CFAP44: variants seen among roughly 807,000 people sequenced by gnomAD.
The protein encoded by CFAP44 is cilia and flagella associated protein 44.
Under a neutral mutation model 216.2 loss-of-function variants are expected in CFAP44, and 134 were observed. The ratio of observed to expected loss-of-function variants is 0.62; its 90% confidence interval spans 0.54 to 0.72. The LOEUF (loss-of-function observed/expected upper bound fraction) is 0.72, where lower values mean the gene tolerates loss of function less well. CFAP44 is among the 30% of genes least tolerant of loss of function. CFAP44 has a pLI of 0.00. For synonymous variants in CFAP44, 700 were observed against 727.6 expected (o/e 0.96, Z 0.61); for missense variants, 2,035 against 2,182.1 (o/e 0.93, Z 1.34).
At chr3:113,298,659 A>G (rs1244291496) in intron 32 of CFAP44, among the ~76,000 whole-genome samples, 1 of 152,236 alleles carries the variant, frequency 6.6e-6, no homozygotes. Flanking sequence ...TTGCCTTAAA[A>G]AGGAAGAAAA....
intron 16 of CFAP44, 108 bp downstream of exon 16, chr3:113,380,791 G>C: frequency 1.1e-6 from 1 of 921,408 alleles, no homozygotes; most frequent in Non-Finnish European, 1.5e-6. Context: ...TTAAGTTCAG[G>C]GCCTATGTTT....
chr3:113,400,663 C>T lies in CFAP44; in HGVS notation c.1375-19G>A. On this transcript the variant is annotated intron_variant, in intron 11 of 34. Transcript: ENST00000393845. The stretch of plus-strand genomic sequence containing the variant: ...CCTGGGTCTGAGAATAGATAGACAG[C>T]TTACTAGATCTCAAAGACAGAGTAA... The T allele has an allele frequency of 1.9e-6, 3 of 1,590,568 alleles. No homozygotes were observed. Among genetic ancestry groups the T allele is most frequent in the Non-Finnish European group, 2.6e-6 (3 of 1,162,612 alleles).
chr3:113,337,422 T>C (rs533203712), intron 24 of CFAP44, among the ~76,000 whole-genome samples: 1 of 152,272 alleles, frequency 6.6e-6, no homozygotes, highest in African/African-American at 2.4e-5. Context: ...ATTGAAATTA[T>C]GGCAAGATTT....
At chr3:113,434,078 C>G (rs963696531) in intron 1 of CFAP44, 1 of 171,490 alleles carries the variant, frequency 5.8e-6, no homozygotes, top group South Asian at 1.6e-4. Flanking sequence ...ATTTTTTGAG[C>G]ACACCTGCAG....
chr3:113,349,454 T>C (rs1950420632), intron 22 of CFAP44, among the ~76,000 whole-genome samples: 1 of 152,132 alleles, frequency 6.6e-6, no homozygotes, highest in Non-Finnish European at 1.5e-5. Flanking sequence ...GCAGGCTTAG[T>C]CATGGCCCTC....
At chr3:113,371,615 G>A (rs542797633) in intron 18 of CFAP44, among the ~76,000 whole-genome samples, 150 of 152,150 alleles carry the variant, frequency 9.9e-4, no homozygotes, top group African/African-American at 3.2e-3. Context: ...AAGACCTAAA[G>A]CCATAAAAAC....
rs987459816 is a variant in CFAP44 at position 113,441,481 on chromosome 3, C to T, written c.-34G>A. On this transcript the variant is annotated 5_prime_UTR_variant, in exon 1 of 35. Transcript: ENST00000393845. ...AGGTACTGACCGCCGCGGCTCCTCT[C>T]TTCACAGCGTCTGCCGGAGGCCTCC... The T allele has an allele frequency of 4.1e-6, 4 of 984,866 alleles. No individual in the cohort carries two copies. Among genetic ancestry groups the T allele is most frequent in the Non-Finnish European group, 4.8e-6 (4 of 830,000 alleles). 61.0% of individuals were successfully genotyped at this position (984,866 alleles called of 1,614,324 possible).
intron 13 of CFAP44, among the ~76,000 whole-genome samples, chr3:113,398,027 A>G (rs1253721778): frequency 6.6e-6 from 1 of 152,184 alleles, no homozygotes; most frequent in East Asian, 1.9e-4. Context: ...CATCCTGTAG[A>G]GCTCAGTGAC....
chr3:113,333,261 A>G (rs766139283), intron 25 of CFAP44, 145 bp downstream of exon 25: 98 of 731,464 alleles, frequency 1.3e-4, no homozygotes, highest in Non-Finnish European at 2.0e-4. Context: ...AGGACATTCT[A>G]GATAATCATG....
intron 34 of CFAP44, among the ~76,000 whole-genome samples, chr3:113,293,566 A>G (rs747278567): frequency 6.6e-6 from 1 of 152,158 alleles, no homozygotes; most frequent in Non-Finnish European, 1.5e-5. Flanking sequence ...TTCCTCTCCA[A>G]TGTATCTGGA....
rs903820672 is a variant in CFAP44, at chr3:113,344,552, C to G, written c.3226G>C (p.Glu1076Gln). ...KPSKLDRFEK[E>Q]GPGRKDSQRD... The stretch of plus-strand genomic sequence containing the variant: ...TGGCTGTCCTTTCTTCCAGGTCCCT[C>G]TTTTTCAAACCTGTCCAATTTGCTT... The change falls in exon 23 of 35, where the codon GAG (glutamate) becomes CAG (glutamine). Residue 1076 changes from glutamate (E) to glutamine (Q), a missense_variant. By Grantham distance (29) the Glu-to-Gln change is conservative. Coordinates refer to ENST00000393845, the MANE Select transcript of CFAP44 (RefSeq NM_001164496.2). The G allele has an allele frequency of 3.9e-6, 6 of 1,537,042 alleles. No individual in the cohort carries two copies. The highest frequency in any genetic ancestry group is 5.2e-6 in the Non-Finnish European group (6 of 1,146,836).
At chr3:113,333,624 C>A (rs2107813267) in intron 24 of CFAP44, 41 bp from the exon 25 acceptor site, 1 of 1,444,560 alleles carries the variant, frequency 6.9e-7, no homozygotes, top group African/African-American at 1.4e-5. Flanking sequence ...ACAAATATGA[C>A]AATAAACTCT....
chr3:113,400,103 C>T lies in CFAP44; in HGVS notation c.1475-103G>A, dbSNP rs531764832. ...AATATTATAACAAGAAATTTCTTAA[C>T]TAAATCAGTCAATAACTTTCTTTTG... On this transcript the variant is annotated intron_variant, in intron 12 of 34. Transcript: ENST00000393845. The T allele has an allele frequency of 1.6e-4, 110 of 696,022 alleles. No homozygotes were observed. In the African/African-American group the frequency reaches 1.7e-3, roughly 11 times the overall value. The allele number at this position is 696,022 out of a possible 1,614,324, so 43.1% of individuals were successfully genotyped here.
At chr3:113,412,167 A>C (rs1934497490) in intron 6 of CFAP44, among the ~76,000 whole-genome samples, 1 of 152,204 alleles carries the variant, frequency 6.6e-6, no homozygotes, top group Non-Finnish European at 1.5e-5. Context: ...TGGCCGGGCA[A>C]TCAGGCAAGA....
At chr3:113,375,808 G>C (rs1341206161) in intron 17 of CFAP44, among the ~76,000 whole-genome samples, 3 of 152,008 alleles carry the variant, frequency 2.0e-5, no homozygotes, top group Non-Finnish European at 4.4e-5. Context: ...GCAACAGAGT[G>C]AGTGAGACTC....
intron 13 of CFAP44, among the ~76,000 whole-genome samples, chr3:113,398,076 A>G (rs993172915): frequency 6.6e-6 from 1 of 152,172 alleles, no homozygotes; most frequent in Admixed American, 6.5e-5. Context: ...AAAGCTGTAC[A>G]CCATTCAACT....
chr3:113,410,073 A>T (rs1047614721), intron 6 of CFAP44, among the ~76,000 whole-genome samples: 1 of 152,224 alleles, frequency 6.6e-6, no homozygotes, highest in Admixed American at 6.5e-5. Flanking sequence ...GAGTATTCTC[A>T]GCCAAGCAGC....
intron 23 of CFAP44, 42 bp from the exon 24 acceptor site, chr3:113,341,960 A>T: frequency 6.8e-7 from 1 of 1,478,514 alleles, no homozygotes; most frequent in Non-Finnish European, 8.9e-7. Context: ...TTGAGACATA[A>T]AAACAAAACT....
chr3:113,331,381 A>G (rs778539612), intron 25 of CFAP44, among the ~76,000 whole-genome samples: 5 of 151,948 alleles, frequency 3.3e-5, no homozygotes, highest in Admixed American at 2.0e-4. Context: ...ATGCAACCCT[A>G]CTGTACTTCC....
Sources: allele counts gnomAD v4.1 joint callset (sites outside exome capture counted in the v4.1 genomes callset), GRCh38; gene constraint gnomAD v4.1.1; transcripts MANE v1.5; gene names NCBI Gene and HGNC (gene_info 2026-07-23, HGNC 2026-07-21).